Variants in KCNH8 observed in about 807,000 individuals in gnomAD.
KCNH8 encodes voltage-gated delayed rectifier potassium channel KCNH8.
Under a neutral mutation model 103.6 loss-of-function variants are expected in KCNH8, and 70 were observed. The ratio of observed to expected loss-of-function variants is 0.68; its 90% CI spans 0.56 to 0.82. The LOEUF is 0.82. Ranked by LOEUF, KCNH8 falls within the 40% of genes least tolerant of loss-of-function variation. KCNH8 has a pLI of 0.00. For synonymous variants in KCNH8, 498 were observed against 489.4 expected (o/e 1.02, Z -0.23); for missense variants, 1,217 against 1,329.9 (o/e 0.92, Z 1.32).
intron 1 of KCNH8, among the ~76,000 whole-genome samples, chr3:19,186,180 T>C (rs921293005): frequency 1.3e-5 from 2 of 151,788 alleles, no homozygotes; most frequent in African/African-American, 4.8e-5. Flanking sequence ...GTAAGTCTAC[T>C]GAATCACCTC....
intron 1 of KCNH8, among the ~76,000 whole-genome samples, chr3:19,230,131 C>T (rs895903041): frequency 6.6e-6 from 1 of 152,134 alleles, no homozygotes; most frequent in Non-Finnish European, 1.5e-5. Flanking sequence ...TATTCACTAT[C>T]ACAATAACAG....
chr3:19,447,044 T>A (rs1376164880), intron 8 of KCNH8, among the ~76,000 whole-genome samples: 1 of 152,022 alleles, frequency 6.6e-6, no homozygotes, highest in South Asian at 2.1e-4. Context: ...GGTCTAACAC[T>A]CAAGAATTAT....
chr3:19,438,313 A>G lies in KCNH8; in HGVS notation c.1327A>G (p.Asn443Asp). Reference protein sequence around the residue: ...TSVGFGNVSANTDAEKIFSIC... With the variant: ...TSVGFGNVSADTDAEKIFSIC... Reference sequence around the variant, plus strand: ...CGTGGGTTTTGGGAACGTCTCTGCTAATACAGATGCAGAAAAGATCTTCTC... The same window carrying G: ...CGTGGGTTTTGGGAACGTCTCTGCTGATACAGATGCAGAAAAGATCTTCTC... Residue 443 changes from asparagine (N) to aspartate (D), a missense_variant, in exon 8 of 16, where the codon AAT becomes GAT. By Grantham distance (23) the Asn-to-Asp change is conservative. This residue lies in a region of KCNH8 where 415 missense variants were observed against 577.4 expected (regional missense o/e 0.72). Coordinates refer to ENST00000328405, the MANE Select transcript of KCNH8 (RefSeq NM_144633.3). 1 of 1,614,060 alleles carries G rather than the reference A, an allele frequency of 6.2e-7. No individual in the cohort carries two copies. Among genetic ancestry groups the G allele is most frequent in the Admixed American group, 1.7e-5 (1 of 59,968 alleles).
intron 11 of KCNH8, among the ~76,000 whole-genome samples, chr3:19,471,418 T>C (rs2067853541): frequency 6.6e-6 from 1 of 152,178 alleles, no homozygotes; most frequent in Non-Finnish European, 1.5e-5. Flanking sequence ...TCTGGATAGT[T>C]GTTTAGGCCT....
rs1294812498 is a variant in KCNH8, at chr3:19,440,794, CTCTGT to C, written c.1375+2437_1375+2441del. 3.3e-5 allele frequency among the ~76,000 whole-genome samples: 5 copies of C among 152,244 alleles called. No individual in the cohort carries two copies. The South Asian group carries it at 1.0e-3, about 32-fold the overall frequency. ...TTATTAGTTGTTTTTATGTTCCATT[CTCTGT>C]TCTAAGTGTTCTGACATAATACCAT... On this transcript the variant is annotated intron_variant, in intron 8 of 15. Coordinates refer to ENST00000328405, the MANE Select transcript of KCNH8 (RefSeq NM_144633.3).
At chr3:19,347,061 C>T (rs1228102574) in intron 4 of KCNH8, among the ~76,000 whole-genome samples, 1 of 152,094 alleles carries the variant, frequency 6.6e-6, no homozygotes, top group Middle Eastern at 3.2e-3. Context: ...AACTCTTAAG[C>T]AACTGTTTCT....
intron 11 of KCNH8, among the ~76,000 whole-genome samples, chr3:19,479,767 G>A (rs992724663): frequency 6.6e-6 from 1 of 152,142 alleles, no homozygotes; most frequent in Non-Finnish European, 1.5e-5. Context: ...AGAGTCGTGG[G>A]TTTATTTGTG....
rs916028380 is a variant in KCNH8, at chr3:19,208,265, A to G, written c.77-45389A>G. 1.6e-4 allele frequency among the ~76,000 whole-genome samples: 24 copies of G among 152,172 alleles called. 1 individual carries two copies. The highest frequency in any genetic ancestry group is 5.5e-4 in the African/African-American group (23 of 41,554). ...AATATTGCATTATGTTTTATTCATA[A>G]GAAGATATTTATTATTTGTATTTAC... On this transcript the variant is annotated intron_variant, in intron 1 of 15. Transcript: ENST00000328405.
At chr3:19,343,974 G>GAGGT (rs2065696022) in intron 4 of KCNH8, among the ~76,000 whole-genome samples, 2 of 129,628 alleles carry the variant, frequency 1.5e-5, no homozygotes, top group Admixed American at 1.6e-4. Context: ...TACCACTGTG[G>GAGGT]TCACGCTTTG....
At chr3:19,469,319 A>G (rs2067806216) in intron 11 of KCNH8, among the ~76,000 whole-genome samples, 1 of 152,216 alleles carries the variant, frequency 6.6e-6, no homozygotes, top group Non-Finnish European at 1.5e-5. Flanking sequence ...AATATCTTGC[A>G]GTGAACTGTT....
At chr3:19,219,866 G>T (rs1575445718) in intron 1 of KCNH8, among the ~76,000 whole-genome samples, 1 of 152,128 alleles carries the variant, frequency 6.6e-6, no homozygotes, top group Non-Finnish European at 1.5e-5. Context: ...AAGAACTCAG[G>T]CATCATGACT....
At chr3:19,296,105 G>T (rs1262367419) in intron 3 of KCNH8, among the ~76,000 whole-genome samples, 1 of 152,156 alleles carries the variant, frequency 6.6e-6, no homozygotes, top group East Asian at 1.9e-4. Context: ...TTGACACTTT[G>T]TGTGGGGGAA....
chr3:19,373,801 A>G (rs2066143690), intron 5 of KCNH8, among the ~76,000 whole-genome samples: 1 of 151,598 alleles, frequency 6.6e-6, no homozygotes, highest in African/African-American at 2.4e-5. Flanking sequence ...AGATTCTGGT[A>G]TGTTGTGTCT....
intron 11 of KCNH8, among the ~76,000 whole-genome samples, chr3:19,496,531 C>T (rs1028883486): frequency 6.6e-6 from 1 of 152,106 alleles, no homozygotes; most frequent in Non-Finnish European, 1.5e-5. Flanking sequence ...CTTTGCATCC[C>T]AGGGATAAAG....
Position 19,470,671 on chromosome 3 carries a change from T to C in KCNH8, c.2040+13689T>C, listed in dbSNP as rs186139258. Among the ~76,000 whole-genome samples the C allele has an allele frequency of 1.5e-4, 23 of 151,936 alleles. No homozygotes were observed. The East Asian group carries it at 4.1e-3, about 27-fold the overall frequency. The stretch of plus-strand genomic sequence containing the variant: ...CATGGAATCCCTGAGGGCTGAAGAG[T>C]TGAGATAAGAGACAAGAACGAGAAA... On this transcript the variant is annotated intron_variant, in intron 11 of 15. Transcript: ENST00000328405.
chr3:19,528,322 T>C (rs989567634), intron 15 of KCNH8, among the ~76,000 whole-genome samples: 2 of 152,010 alleles, frequency 1.3e-5, no homozygotes, highest in African/African-American at 4.8e-5. Context: ...ATTCATAATG[T>C]AGTTATGAGA....
intron 7 of KCNH8, among the ~76,000 whole-genome samples, chr3:19,403,361 A>AATATATATATATATATATATATAT (rs57523893): frequency 6.4e-5 from 8 of 124,640 alleles, no homozygotes; most frequent in Non-Finnish European, 1.1e-4. Context: ...ATATGTAAAG[A>AATATATATATATATATATATATAT]ATATATATAT....
chr3:19,387,692 T>C (rs983763236), intron 5 of KCNH8, among the ~76,000 whole-genome samples: 12 of 152,116 alleles, frequency 7.9e-5, no homozygotes. Context: ...TATCTAGGTT[T>C]TTCCCCTGAA....
chr3:19,476,431 CTAAA>C (rs1364224766), intron 11 of KCNH8, among the ~76,000 whole-genome samples: 1 of 152,086 alleles, frequency 6.6e-6, no homozygotes, highest in Non-Finnish European at 1.5e-5. Flanking sequence ...GGTTTGAAAC[CTAAA>C]TACTCGGTGG....
Sources: gnomAD v4.1 joint callset for allele counts (sites outside exome capture counted in the v4.1 genomes callset) on GRCh38, gnomAD v4.1.1 for gene constraint, gnomAD v4.1.1 regional missense constraint, MANE v1.5 for transcripts, NCBI Gene and HGNC (gene_info 2026-07-23, HGNC 2026-07-21) for gene names.